Variants in RMC1 observed in about 807,000 individuals in gnomAD.
RMC1 encodes regulator of MON1-CCZ1 complex.
In RMC1, 44 loss-of-function variants were observed where a neutral mutation model predicts 95.5. The ratio of observed to expected loss-of-function variants is 0.46; its 90% confidence interval spans 0.36 to 0.59. RMC1 has a LOEUF of 0.59. RMC1 is among the 20% of genes least tolerant of loss of function. RMC1 has a pLI of 0.00. For missense variants in RMC1, 705 were observed against 819.6 expected, an observed-to-expected ratio of 0.86 and a Z score of 1.71; for synonymous variants, 320 against 303.6, an observed-to-expected ratio of 1.05 and a Z score of -0.56.
chr18:23,524,420 A>G lies in RMC1; in HGVS notation c.1007-9A>G, dbSNP rs1208573953. 8 of 1,613,548 alleles carry G rather than the reference A, an allele frequency of 5.0e-6. No homozygotes were observed. Among genetic ancestry groups the G allele is most frequent in the Non-Finnish European group, 6.8e-6 (8 of 1,179,626 alleles). On this transcript the variant is annotated splice_polypyrimidine_tract_variant and intron_variant, in intron 11 of 19. Coordinates refer to ENST00000269221, the MANE Select transcript of RMC1 (RefSeq NM_013326.5). ...CTTTTCCTGGTTTAGAATTTCCTATAACATGTGGATTCTTCATCTTGGATT... is the reference window on the plus strand; with the variant it reads ...CTTTTCCTGGTTTAGAATTTCCTATGACATGTGGATTCTTCATCTTGGATT...
chr18:23,516,043 C>G (rs182715039), intron 6 of RMC1, 47 bp downstream of exon 6: 3 of 1,612,616 alleles, frequency 1.9e-6, no homozygotes, highest in African/African-American at 2.7e-5. Context: ...CCAGTTGTCC[C>G]CTGTTCCTGT....
intron 5 of RMC1, among the ~76,000 whole-genome samples, chr18:23,513,519 C>T (rs1289811757): frequency 6.6e-6 from 1 of 152,200 alleles, no homozygotes; most frequent in Non-Finnish European, 1.5e-5. Flanking sequence ...ATGCAGATAC[C>T]GCTTCAAGAT....
intron 12 of RMC1, among the ~76,000 whole-genome samples, chr18:23,525,445 A>C (rs188910724): frequency 1.3e-5 from 2 of 151,886 alleles, no homozygotes; most frequent in Non-Finnish European, 2.9e-5. Flanking sequence ...AATTATTTTG[A>C]GACGGAATCT....
intron 2 of RMC1, 173 bp downstream of exon 2, chr18:23,504,620 C>T (rs2057668193): frequency 1.8e-6 from 1 of 554,940 alleles, no homozygotes; most frequent in South Asian, 2.2e-5. Context: ...TTACTAGCAC[C>T]TCTTGTCAGA....
intron 10 of RMC1, among the ~76,000 whole-genome samples, chr18:23,521,778 G>A (rs1369721814): frequency 3.3e-5 from 5 of 150,678 alleles, no homozygotes; most frequent in African/African-American, 4.9e-5. Flanking sequence ...CTGCAGGTTT[G>A]CTTTCTTCTG....
chr18:23,503,837 C>T (rs2057651566), intron 1 of RMC1, 117 bp downstream of exon 1: 1 of 883,892 alleles, frequency 1.1e-6, no homozygotes, highest in African/African-American at 1.8e-5. Flanking sequence ...CGTCCCGTCC[C>T]AGCGCGGGAG....
At chr18:23,520,388 G>T (rs749049418) in intron 10 of RMC1, 75 bp downstream of exon 10, 50 of 1,244,122 alleles carry the variant, frequency 4.0e-5, no homozygotes, top group Non-Finnish European at 5.8e-5. Context: ...ATCTTTGGGA[G>T]TCACGTTAAA....
chr18:23,524,044 A>G (rs1186645947), intron 10 of RMC1, 86 bp from the exon 11 acceptor site: 8 of 1,373,234 alleles, frequency 5.8e-6, no homozygotes, highest in Non-Finnish European at 7.3e-6. Flanking sequence ...AATGACATTA[A>G]AAAGTATTGA....
intron 7 of RMC1, among the ~76,000 whole-genome samples, chr18:23,518,321 T>C (rs1489082517): frequency 3.3e-5 from 5 of 152,068 alleles, no homozygotes; most frequent in Non-Finnish European, 7.4e-5. Flanking sequence ...TGAGACCCTG[T>C]TTCTACAAAA....
chr18:23,508,940 T>C (rs892771936), intron 4 of RMC1, among the ~76,000 whole-genome samples: 1 of 152,226 alleles, frequency 6.6e-6, no homozygotes, highest in Non-Finnish European at 1.5e-5. Flanking sequence ...TCTGGTCAGT[T>C]ACTTTTCTAC....
In RMC1 at chr18:23,524,409, G is replaced by A. The variant is rs1481580800; in HGVS notation, c.1007-20G>A. 1.2e-6 allele frequency: 2 copies of A among 1,613,612 alleles called. No individual in the cohort carries two copies. The highest frequency in any genetic ancestry group is 1.7e-6 in the Non-Finnish European group (2 of 1,179,548). On this transcript the variant is annotated intron_variant, in intron 11 of 19. Coordinates refer to ENST00000269221, the MANE Select transcript of RMC1 (RefSeq NM_013326.5). Reference sequence around the variant, plus strand: ...TTTGTTTTCATCTTTTCCTGGTTTAGAATTTCCTATAACATGTGGATTCTT... The same window carrying A: ...TTTGTTTTCATCTTTTCCTGGTTTAAAATTTCCTATAACATGTGGATTCTT...
intron 10 of RMC1, 117 bp from the exon 11 acceptor site, chr18:23,524,013 A>T: frequency 8.7e-7 from 1 of 1,152,180 alleles, no homozygotes; most frequent in Non-Finnish European, 1.3e-6. Context: ...TTCCTTGACT[A>T]CAATTGAATA....
At chr18:23,510,777 ACTAT>A (rs1381194803) in intron 5 of RMC1, among the ~76,000 whole-genome samples, 2 of 152,256 alleles carry the variant, frequency 1.3e-5, no homozygotes, top group East Asian at 3.8e-4. Flanking sequence ...ACAATGAGAA[ACTAT>A]CTCACACTAG....
chr18:23,521,752 T>C (rs1443524391), intron 10 of RMC1, among the ~76,000 whole-genome samples: 1 of 152,018 alleles, frequency 6.6e-6, no homozygotes, highest in African/African-American at 2.4e-5. Flanking sequence ...AGGCTAGAAG[T>C]TCAAGATCAA....
chr18:23,514,178 G>A (rs1317122122), intron 5 of RMC1, among the ~76,000 whole-genome samples: 1 of 152,214 alleles, frequency 6.6e-6, no homozygotes, highest in African/African-American at 2.4e-5. Flanking sequence ...ATACACCTGT[G>A]TGTTAATGCC....
At chr18:23,510,019 T>TAAAAA (rs531660350) in intron 5 of RMC1, among the ~76,000 whole-genome samples, 1 of 132,312 alleles carries the variant, frequency 7.6e-6, no homozygotes, top group Non-Finnish European at 1.6e-5. Context: ...AGTAATAAAT[T>TAAAAA]AAAAAAAAAA....
Position 23,514,482 on chromosome 18 carries a change from G to C in RMC1, c.409-1374G>C, listed in dbSNP as rs2057946880. 4.6e-5 allele frequency among the ~76,000 whole-genome samples: 7 copies of C among 152,284 alleles called. No homozygotes were observed. The South Asian group carries it at 1.5e-3, about 32-fold the overall frequency. On this transcript the variant is annotated intron_variant, in intron 5 of 19. Transcript: ENST00000269221. ...TGAGGCAGAAGAATCCCTTGAACGT[G>C]GGAGGTGGAGGTTGCGGTGAGCCGA...
rs559994355 is a variant in RMC1 at position 23,527,615 on chromosome 18, C to T, written c.1190-180C>T. ...TTTTTTTTTTTTTTTTTTTTTTAAC[C>T]GTAACCAGAAAGGGGTTGCGAATGA... On this transcript the variant is annotated intron_variant, in intron 13 of 19. Transcript: ENST00000269221. Among the ~76,000 whole-genome samples, 195 of 142,846 alleles carry T rather than the reference C, an allele frequency of 1.4e-3. 1 individual carries two copies. Among genetic ancestry groups the T allele is most frequent in the African/African-American group, 5.1e-3 (191 of 37,394 alleles). The allele number at this position is 142,846 out of a possible 152,430, so 93.7% of individuals were successfully genotyped here. A position where few individuals can be genotyped will look rare whatever the true frequency, so the allele number is the denominator to read the frequency against.
At chr18:23,526,606 A>C in intron 12 of RMC1, 31 bp from the exon 13 acceptor site, 2 of 1,610,732 alleles carry the variant, frequency 1.2e-6, no homozygotes, top group Non-Finnish European at 1.7e-6. Flanking sequence ...TTTGCATCAT[A>C]CTGTTTTATT....
Sources: gnomAD v4.1 joint callset for allele counts (sites outside exome capture counted in the v4.1 genomes callset) on GRCh38, gnomAD v4.1.1 for gene constraint, MANE v1.5 for transcripts, NCBI Gene and HGNC (gene_info 2026-07-23, HGNC 2026-07-21) for gene names.